The following SMCHD1 variants were observed in gnomAD, a reference collection of about 807,000 sequenced individuals.
The protein encoded by SMCHD1 is structural maintenance of chromosomes flexible hinge domain containing 1, also known as structural maintenance of chromosomes flexible hinge domain-containing protein 1.
In SMCHD1, 78 loss-of-function variants were observed where a neutral mutation model predicts 254.7. The ratio of observed to expected loss-of-function variants is 0.31; its 90% CI spans 0.26 to 0.37. SMCHD1 has a LOEUF of 0.37. SMCHD1 is among the 10% of genes least tolerant of loss of function. The pLI, the probability that SMCHD1 is intolerant of heterozygous loss-of-function variation, is 1.00. For synonymous variants in SMCHD1, 766 were observed against 794.9 expected, an observed-to-expected ratio of 0.96 and a Z score of 0.61; for missense variants, 1,840 against 2,408.1, an observed-to-expected ratio of 0.76 and a Z score of 4.94.
rs140407545 is a variant in SMCHD1 at position 2,711,392 on chromosome 18, G to A, written c.2260+3472G>A. On this transcript the variant is annotated intron_variant, in intron 17 of 47. Coordinates refer to ENST00000320876, the MANE Select transcript of SMCHD1 (RefSeq NM_015295.3). Reference sequence around the variant, plus strand: ...GGATTACAGGCATGAGCCACTGCACGTAGCCTTGTTTGTTTTTTATTTGTT... The same window carrying A: ...GGATTACAGGCATGAGCCACTGCACATAGCCTTGTTTGTTTTTTATTTGTT... 2.1e-3 allele frequency among the ~76,000 whole-genome samples: 317 copies of A among 151,182 alleles called. 1 individual carries two copies. The highest frequency in any genetic ancestry group is 7.1e-3 in the African/African-American group (292 of 41,164).
At chr18:2,673,510 GT>G (rs2073666999) in intron 4 of SMCHD1, 147 bp downstream of exon 4, 1 of 642,898 alleles carries the variant, frequency 1.6e-6, no homozygotes, top group Non-Finnish European at 2.4e-6. Context: ...ATTTTTTCAC[GT>G]TTTTTTCCTA....
At chr18:2,796,174 A>C in intron 46 of SMCHD1, 67 bp downstream of exon 46, 1 of 1,310,400 alleles carries the variant, frequency 7.6e-7, no homozygotes, top group African/African-American at 1.5e-5. Context: ...GATGAGAGAG[A>C]ATCCAACCGT....
intron 28 of SMCHD1, among the ~76,000 whole-genome samples, chr18:2,741,622 T>C (rs1019247866): frequency 6.6e-6 from 1 of 152,210 alleles, no homozygotes; most frequent in Non-Finnish European, 1.5e-5. Flanking sequence ...TTGAATGATA[T>C]TTTGTTCCCT....
intron 12 of SMCHD1, among the ~76,000 whole-genome samples, chr18:2,701,425 T>C (rs1208119112): frequency 1.3e-5 from 2 of 152,194 alleles, no homozygotes; most frequent in Non-Finnish European, 2.9e-5. Flanking sequence ...TCTCCCAAAA[T>C]GTTGGGATTA....
intron 37 of SMCHD1, among the ~76,000 whole-genome samples, chr18:2,766,134 CA>C (rs2075864236): frequency 6.6e-6 from 1 of 152,130 alleles, no homozygotes; most frequent in African/African-American, 2.4e-5. Context: ...GCTGGTACTA[CA>C]GGCACCCACC....
chr18:2,738,560 T>TATA lies in SMCHD1; in HGVS notation c.3425+16_3425+18dup, dbSNP rs1213313124. The TATA allele has an allele frequency of 6.3e-6, 10 of 1,593,652 alleles. No homozygotes were observed. The highest frequency in any genetic ancestry group is 2.7e-5 in the African/African-American group (2 of 73,856). On this transcript the variant is annotated intron_variant, in intron 26 of 47. Coordinates refer to ENST00000320876, the MANE Select transcript of SMCHD1 (RefSeq NM_015295.3). ...TTTACAGTAAGGTTTGTGGACTCAT[T>TATA]ATATTTTGCAGCCTATGGCAACAAA...
Position 2,740,761 on chromosome 18 carries a change from A to G in SMCHD1, c.3573A>G (p.Leu1191=). ...TTCAAGCATTTTCACCAAGTTCTTT[A>G]TCTTCTTTGTCAATTGCTGGGGTTG... ...NQIQAFSPSS[L]SSLSIAGVGL... The change falls in exon 28 of 48, where the codon TTA becomes TTG. Residue 1191 remains leucine (L), a synonymous_variant. Transcript: ENST00000320876. The G allele has an allele frequency of 2.5e-6, 4 of 1,611,992 alleles. No individual in the cohort carries two copies. The highest frequency in any genetic ancestry group is 3.4e-6 in the Non-Finnish European group (4 of 1,178,786).
intron 5 of SMCHD1, among the ~76,000 whole-genome samples, chr18:2,678,508 G>T: frequency 6.6e-6 from 1 of 151,888 alleles, no homozygotes. Flanking sequence ...GTAGAGACGA[G>T]GTTTCACCAT....
chr18:2,700,484 T>C, intron 10 of SMCHD1, 55 bp from the exon 11 acceptor site: 1 of 1,522,518 alleles, frequency 6.6e-7, no homozygotes, highest in Non-Finnish European at 8.9e-7. Flanking sequence ...GTTTGTTTCA[T>C]TATTTCTCAC....
At chr18:2,761,781 G>T (rs2075790043) in intron 35 of SMCHD1, among the ~76,000 whole-genome samples, 1 of 152,154 alleles carries the variant, frequency 6.6e-6, no homozygotes, top group Non-Finnish European at 1.5e-5. Flanking sequence ...TCACCCCTCT[G>T]CACTCCAGCC....
chr18:2,693,598 A>G (rs1381876973), intron 7 of SMCHD1, among the ~76,000 whole-genome samples: 2 of 152,110 alleles, frequency 1.3e-5, no homozygotes, highest in African/African-American at 4.8e-5. Context: ...ACACACACAA[A>G]CGCGCATGCG....
intron 40 of SMCHD1, among the ~76,000 whole-genome samples, 164 bp from the exon 41 acceptor site, chr18:2,772,086 T>TTG (rs904429176): frequency 3.9e-5 from 6 of 152,096 alleles, no homozygotes; most frequent in East Asian, 1.9e-4. Context: ...TGTGTTTTCT[T>TTG]TGTGTGTGTG....
At chr18:2,790,849 A>G (rs1045139965) in intron 45 of SMCHD1, among the ~76,000 whole-genome samples, 6 of 152,238 alleles carry the variant, frequency 3.9e-5, no homozygotes, top group African/African-American at 9.6e-5. Flanking sequence ...GGATATCCCA[A>G]TTATCTTTAT....
chr18:2,780,370 C>G lies in SMCHD1; in HGVS notation c.5547+2131C>G, dbSNP rs535038330. Among the ~76,000 whole-genome samples, 35 of 151,254 alleles carry G rather than the reference C, an allele frequency of 2.3e-4. 1 individual carries two copies. The highest frequency in any genetic ancestry group is 4.4e-4 in the Non-Finnish European group (30 of 67,936). On this transcript the variant is annotated intron_variant, in intron 44 of 47. Transcript: ENST00000320876. The stretch of plus-strand genomic sequence containing the variant: ...TATTTGGCATCTTCATGAACGTTTC[C>G]TTGTAAACCTAATATTAAGTATAAT...
intron 3 of SMCHD1, among the ~76,000 whole-genome samples, chr18:2,667,306 T>C (rs2073467354): frequency 6.6e-6 from 1 of 152,222 alleles, no homozygotes. Context: ...CCATCGCCTG[T>C]ATACTCTCTT....
intron 45 of SMCHD1, among the ~76,000 whole-genome samples, chr18:2,792,129 C>A (rs894173613): frequency 3.3e-5 from 5 of 152,144 alleles, no homozygotes; most frequent in African/African-American, 7.2e-5. Flanking sequence ...AGAAATATTT[C>A]TTTACAAATA....
At chr18:2,696,575 G>A (rs2074290065) in intron 8 of SMCHD1, among the ~76,000 whole-genome samples, 1 of 152,186 alleles carries the variant, frequency 6.6e-6, no homozygotes, top group Non-Finnish European at 1.5e-5. Context: ...AAAGGTTGGG[G>A]ACTGCTGTTC....
intron 44 of SMCHD1, among the ~76,000 whole-genome samples, chr18:2,783,920 T>G (rs568744651): frequency 4.4e-4 from 67 of 152,312 alleles, no homozygotes; most frequent in African/African-American, 1.6e-3. Context: ...ATCCATGACT[T>G]CAGTTTTTCT....
intron 30 of SMCHD1, among the ~76,000 whole-genome samples, chr18:2,749,493 C>T (rs952553225): frequency 3.3e-5 from 5 of 152,138 alleles, no homozygotes; most frequent in Non-Finnish European, 7.4e-5. Context: ...CCCTTCTAGA[C>T]CAGTTATTAG....
Sources: gnomAD v4.1 joint callset for allele counts (sites outside exome capture counted in the v4.1 genomes callset) on GRCh38, gnomAD v4.1.1 for gene constraint, MANE v1.5 for transcripts, NCBI Gene and HGNC (gene_info 2026-07-23, HGNC 2026-07-21) for gene names.